PTPRD: variants seen among roughly 807,000 people sequenced by gnomAD.
PTPRD encodes the protein protein tyrosine phosphatase receptor type D.
In PTPRD, 34 loss-of-function variants were observed where a neutral mutation model predicts 214.5. That is an observed-to-expected ratio of 0.16 (90% CI 0.12 to 0.21). The LOEUF is 0.21. Ranked by LOEUF, PTPRD falls within the 10% of genes least tolerant of loss-of-function variation. PTPRD has a pLI of 1.00. For missense variants in PTPRD, 2,545 were observed against 2,398.7 expected (o/e 1.06, Z -1.27); for synonymous variants, 1,128 against 845.7 (o/e 1.33, Z -5.79).
At chr9:9,364,297 A>G (rs2057221066) in intron 9 of PTPRD, among the ~76,000 whole-genome samples, 2 of 151,490 alleles carry the variant, frequency 1.3e-5, no homozygotes, top group Admixed American at 1.3e-4. Context: ...CCTGGATTAC[A>G]GTAGTAAACA....
chr9:8,921,255 T>C (rs2098825969), intron 11 of PTPRD, among the ~76,000 whole-genome samples: 1 of 152,184 alleles, frequency 6.6e-6, no homozygotes, highest in Admixed American at 6.5e-5. Flanking sequence ...AAACATGAAC[T>C]TGATTCTATT....
At chr9:9,070,316 G>C (rs2099741948) in intron 10 of PTPRD, among the ~76,000 whole-genome samples, 1 of 152,072 alleles carries the variant, frequency 6.6e-6, no homozygotes, top group Non-Finnish European at 1.5e-5. Flanking sequence ...AATTCTACAA[G>C]AAATATGCTA....
intron 11 of PTPRD, among the ~76,000 whole-genome samples, chr9:8,786,456 T>A (rs548646750): frequency 6.9e-6 from 1 of 144,996 alleles, no homozygotes; most frequent in Non-Finnish European, 1.5e-5. Context: ...GTCGCCCAGC[T>A]TGGAGTGCAG....
At chr9:8,428,847 G>A (rs1460678480) in intron 35 of PTPRD, among the ~76,000 whole-genome samples, 1 of 152,194 alleles carries the variant, frequency 6.6e-6, no homozygotes, top group Non-Finnish European at 1.5e-5. Context: ...AATGATGACT[G>A]TTTTACTAAT....
intron 8 of PTPRD, among the ~76,000 whole-genome samples, chr9:9,536,195 C>G (rs1381182003): frequency 2.0e-5 from 3 of 151,976 alleles, no homozygotes; most frequent in Non-Finnish European, 4.4e-5. Context: ...TTTATAACTA[C>G]ATATTTTTGT....
At chr9:9,930,397 G>A (rs922322444) in intron 5 of PTPRD, among the ~76,000 whole-genome samples, 11 of 152,190 alleles carry the variant, frequency 7.2e-5, no homozygotes, top group Admixed American at 5.2e-4. Context: ...GTCTGAGAAA[G>A]AGACTGTTAA....
At chr9:10,290,553 A>G (rs1349153497) in intron 3 of PTPRD, among the ~76,000 whole-genome samples, 1 of 152,170 alleles carries the variant, frequency 6.6e-6, no homozygotes, top group Non-Finnish European at 1.5e-5. Flanking sequence ...TTCCAATGAC[A>G]TACATTATAA....
In PTPRD at chr9:9,954,964, C is replaced by T. The variant is rs746237766; in HGVS notation, c.-471-16354G>A. Among the ~76,000 whole-genome samples the T allele has an allele frequency of 5.3e-5, 8 of 152,282 alleles. No homozygotes were observed. In the East Asian group the frequency reaches 9.6e-4, roughly 18 times the overall value. ...CTCTATTAAGATAAAGATACCATTTCAGCTCACTTTATAAATAATTGTGCA... is the reference window on the plus strand; with the variant it reads ...CTCTATTAAGATAAAGATACCATTTTAGCTCACTTTATAAATAATTGTGCA... On this transcript the variant is annotated intron_variant, in intron 4 of 45. Transcript: ENST00000381196.
intron 35 of PTPRD, among the ~76,000 whole-genome samples, chr9:8,429,384 T>G (rs1446964802): frequency 6.6e-6 from 1 of 152,154 alleles, no homozygotes; most frequent in Non-Finnish European, 1.5e-5. Context: ...TGAAACCACA[T>G]GATCTCTGTG....
chr9:8,885,696 C>A (rs756206722), intron 11 of PTPRD, among the ~76,000 whole-genome samples: 1 of 151,736 alleles, frequency 6.6e-6, no homozygotes, highest in African/African-American at 2.4e-5. Context: ...GGGGTTTCAC[C>A]ATATTGGCCA....
chr9:9,535,076 C>G (rs2076244149), intron 8 of PTPRD, among the ~76,000 whole-genome samples: 1 of 152,014 alleles, frequency 6.6e-6, no homozygotes, highest in Non-Finnish European at 1.5e-5. Context: ...AGTAGATTTG[C>G]TTTTCTTTTC....
chr9:9,495,124 G>T (rs1045808412), intron 8 of PTPRD, among the ~76,000 whole-genome samples: 1 of 151,984 alleles, frequency 6.6e-6, no homozygotes, highest in East Asian at 1.9e-4. Flanking sequence ...GCGAAACAAT[G>T]AACTTAGACC....
chr9:10,488,392 G>T (rs1475167691), intron 2 of PTPRD, among the ~76,000 whole-genome samples: 2 of 145,446 alleles, frequency 1.4e-5, no homozygotes, highest in African/African-American at 5.1e-5. Context: ...AAAAAAGACT[G>T]CCAGGTCACA....
At chr9:8,836,373 C>G (rs1453794744) in intron 11 of PTPRD, among the ~76,000 whole-genome samples, 2 of 152,096 alleles carry the variant, frequency 1.3e-5, no homozygotes, top group African/African-American at 4.8e-5. Flanking sequence ...TGGTTAATCA[C>G]TGAAAAACAA....
intron 9 of PTPRD, among the ~76,000 whole-genome samples, chr9:9,337,346 G>C (rs1159483302): frequency 6.6e-6 from 1 of 152,094 alleles, no homozygotes; most frequent in Non-Finnish European, 1.5e-5. Flanking sequence ...TGCAGGTAGG[G>C]GGTGCTCTGT....
chr9:8,850,791 A>C (rs2097793790), intron 11 of PTPRD, among the ~76,000 whole-genome samples: 1 of 152,254 alleles, frequency 6.6e-6, no homozygotes, highest in Admixed American at 6.5e-5. Flanking sequence ...TACTACAAGT[A>C]GTTGGAATGT....
At chr9:9,114,203 C>T (rs1036602012) in intron 10 of PTPRD, among the ~76,000 whole-genome samples, 9 of 152,152 alleles carry the variant, frequency 5.9e-5, no homozygotes, top group East Asian at 1.9e-4. Flanking sequence ...ATTCCAATTA[C>T]TCAGGTTTCT....
At chr9:10,357,162 C>G (rs2097294738) in intron 2 of PTPRD, among the ~76,000 whole-genome samples, 1 of 151,712 alleles carries the variant, frequency 6.6e-6, no homozygotes, top group Non-Finnish European at 1.5e-5. Flanking sequence ...AACATAAATC[C>G]TCATCTATTT....
chr9:9,955,322 G>T (rs2093810704), intron 4 of PTPRD, among the ~76,000 whole-genome samples: 1 of 152,092 alleles, frequency 6.6e-6, no homozygotes. Flanking sequence ...ACATAAAGCA[G>T]TAAAGGATAT....
Sources: gnomAD v4.1 joint callset for allele counts (sites outside exome capture counted in the v4.1 genomes callset) on GRCh38, gnomAD v4.1.1 for gene constraint, MANE v1.5 for transcripts, NCBI Gene and HGNC (gene_info 2026-07-23, HGNC 2026-07-21) for gene names.